ARID1A: variants seen among roughly 807,000 people sequenced by gnomAD.
The protein encoded by ARID1A is AT-rich interaction domain 1A.
Under a neutral mutation model 212.6 loss-of-function variants are expected in ARID1A, and 20 were observed. That is an observed-to-expected ratio of 0.09 (90% CI 0.07 to 0.14). The LOEUF is 0.14. Ranked by LOEUF, ARID1A falls within the 10% of genes least tolerant of loss-of-function variation. The pLI, the probability that ARID1A is intolerant of heterozygous loss-of-function variation, is 1.00. For missense variants in ARID1A, 2,587 were observed against 3,059.0 expected, an observed-to-expected ratio of 0.85 and a Z score of 3.64; for synonymous variants, 1,376 against 1,222.1, an observed-to-expected ratio of 1.13 and a Z score of -2.63.
At chr1:26,765,963 G>A (rs1411973445) in intron 8 of ARID1A, 4 of 410,080 alleles carry the variant, frequency 9.8e-6, no homozygotes, top group Admixed American at 4.1e-5. Context: ...GATTGTTTGA[G>A]CTCAGGAGAT....
rs760011445 is a variant in ARID1A at position 26,762,282 on chromosome 1, G to A, written c.2382G>A (p.Gly794=). ...GMGSYQQNSM[G]SYGPQGGQYG... is the part of the protein sequence containing the mutation. ...GCTCCTACCAGCAGAACTCCATGGG[G>A]AGCTATGGTCCCCAGGGGGGTCAGT... The change falls in exon 7 of 20, where the codon GGG becomes GGA. Residue 794 remains glycine, a synonymous_variant. Transcript: ENST00000324856. The A allele has an allele frequency of 5.6e-6, 9 of 1,614,044 alleles. No individual in the cohort carries two copies. The highest frequency in any genetic ancestry group is 1.6e-4 in the Middle Eastern group (1 of 6,080).
chr1:26,711,974 T>A (rs920203440), intron 1 of ARID1A, among the ~76,000 whole-genome samples: 12 of 151,806 alleles, frequency 7.9e-5, no homozygotes, highest in African/African-American at 2.9e-4. Context: ...CTCAGCTACG[T>A]GGGGGCTGAG....
At chr1:26,729,985 C>T (rs2080657974) in intron 2 of ARID1A, 122 bp downstream of exon 2, 3 of 1,200,964 alleles carry the variant, frequency 2.5e-6, no homozygotes, top group Non-Finnish European at 3.5e-6. Context: ...CCTGTTGGCT[C>T]AGTTAATTAC....
Position 26,766,475 on chromosome 1 carries a change from A to T in ARID1A, c.2897A>T (p.Glu966Val), listed in dbSNP as rs2124081423. The change falls in exon 10 of 20, where the codon GAG becomes GTG. Residue 966 changes from glutamate (E) to valine (V), a missense_variant. Glu to Val is a moderately radical substitution (Grantham distance 121). Transcript: ENST00000324856. ...TTTACAGGGATGGCAGCCAGCCCAG[A>T]GATGATGGGCCTTGGGGATGTAAAG... Reference protein sequence around the residue: ...NNSAGMAASPEMMGLGDVKLT... With the variant: ...NNSAGMAASPVMMGLGDVKLT... The T allele has an allele frequency of 1.2e-6, 2 of 1,614,198 alleles. No homozygotes were observed. The highest frequency in any genetic ancestry group is 1.7e-6 in the Non-Finnish European group (2 of 1,180,044).
chr1:26,710,528 C>CA (rs1553147494), intron 1 of ARID1A, among the ~76,000 whole-genome samples: 3 of 148,316 alleles, frequency 2.0e-5, no homozygotes, highest in African/African-American at 5.0e-5. Flanking sequence ...CACACACACA[C>CA]CACTTGTTGT....
At chr1:26,752,353 T>C (rs2080892389) in intron 4 of ARID1A, among the ~76,000 whole-genome samples, 1 of 152,204 alleles carries the variant, frequency 6.6e-6, no homozygotes, top group Non-Finnish European at 1.5e-5. Flanking sequence ...GTTCTGTAAC[T>C]TTTGGAGTCC....
At chr1:26,697,938 C>T (rs1220778928) in intron 1 of ARID1A, among the ~76,000 whole-genome samples, 2 of 152,138 alleles carry the variant, frequency 1.3e-5, no homozygotes, top group Non-Finnish European at 2.9e-5. Flanking sequence ...TCTTTGCTCA[C>T]CTGCCGCTCC....
intron 4 of ARID1A, among the ~76,000 whole-genome samples, chr1:26,742,321 A>T (rs1160743126): frequency 6.6e-6 from 1 of 152,184 alleles, no homozygotes; most frequent in Non-Finnish European, 1.5e-5. Flanking sequence ...AACCTATAGG[A>T]CCTGCTTGGA....
At chr1:26,709,713 A>G (rs1332658096) in intron 1 of ARID1A, among the ~76,000 whole-genome samples, 3 of 144,882 alleles carry the variant, frequency 2.1e-5, no homozygotes, top group Non-Finnish European at 4.5e-5. Flanking sequence ...GTGGCTATCC[A>G]CAGGCACAAT....
rs1444273905 is a variant in ARID1A, at chr1:26,697,290, A to G, written c.887A>G (p.Asn296Ser). The change falls in exon 1 of 20, where the codon AAC becomes AGC. Residue 296 changes from asparagine (N) to serine (S), a missense_variant. By Grantham distance (46) the Asn-to-Ser change is conservative. Around this residue, in one of 11 missense-constraint regions of ARID1A, gnomAD observed 735 missense variants for 590.6 expected, o/e 1.24. Transcript: ENST00000324856. ...TPQPTATPTLNQLLTSPSSAR... is the reference protein window; with the variant it reads ...TPQPTATPTLSQLLTSPSSAR... The stretch of plus-strand genomic sequence containing the variant: ...CAGCCCACCGCCACCCCCACCCTCA[A>G]CCAACTGCTCACGTCGCCCAGCTCG... 5.2e-6 allele frequency: 7 copies of G among 1,358,370 alleles called. No homozygotes were observed. The highest frequency in any genetic ancestry group is 6.6e-6 in the Non-Finnish European group (7 of 1,061,980). 84.1% of individuals were successfully genotyped at this position (1,358,370 alleles called of 1,614,324 possible). A position where few individuals can be genotyped will look rare whatever the true frequency, so the allele number is the denominator to read the frequency against.
rs764403296 is a variant in ARID1A at position 26,771,253 on chromosome 1, A to G, written c.3333A>G (p.Glu1111=). The G allele has an allele frequency of 3.2e-5, 51 of 1,614,098 alleles. No homozygotes were observed. Among genetic ancestry groups the G allele is most frequent in the Admixed American group, 6.7e-5 (4 of 60,008 alleles). The change falls in exon 12 of 20, where the codon GAA becomes GAG. Residue 1111 remains glutamate, a synonymous_variant. Coordinates refer to ENST00000324856, the MANE Select transcript of ARID1A (RefSeq NM_006015.6). The surrounding 1 kb of genome is among the most constrained non-coding windows in gnomAD (Gnocchi z 5.4). The part of the protein sequence containing the change: ...YAFECKIERG[E]DPPPDIFAAA... ...TTGAATGCAAGATTGAACGGGGAGA[A>G]GACCCTCCCCCAGACATCTTTGCAG...
chr1:26,775,936 G>C (rs1420718269), intron 19 of ARID1A: 1 of 682,856 alleles, frequency 1.5e-6, no homozygotes, highest in Non-Finnish European at 2.6e-6. Context: ...AAAGGAATTT[G>C]GGAGACACTT....
chr1:26,738,090 C>T (rs1037376220), intron 4 of ARID1A, among the ~76,000 whole-genome samples: 1 of 151,414 alleles, frequency 6.6e-6, no homozygotes, highest in Non-Finnish European at 1.5e-5. Context: ...GTGGCACAAT[C>T]GCAGTTCACA....
intron 1 of ARID1A, among the ~76,000 whole-genome samples, chr1:26,710,528 C>CACACACA (rs1553147494): frequency 4.7e-5 from 7 of 148,186 alleles, no homozygotes; most frequent in South Asian, 4.3e-4. Flanking sequence ...CACACACACA[C>CACACACA]CACTTGTTGT....
intron 1 of ARID1A, among the ~76,000 whole-genome samples, chr1:26,715,377 G>A (rs1570560585): frequency 6.6e-6 from 1 of 152,188 alleles, no homozygotes; most frequent in Non-Finnish European, 1.5e-5. Flanking sequence ...TTAATGGTAG[G>A]TAATGATAAG....
intron 4 of ARID1A, among the ~76,000 whole-genome samples, chr1:26,747,098 G>A (rs1557600669): frequency 6.6e-6 from 1 of 152,144 alleles, no homozygotes; most frequent in Non-Finnish European, 1.5e-5. Context: ...ATCAAGCGTA[G>A]AATTAGCCCT....
intron 4 of ARID1A, among the ~76,000 whole-genome samples, chr1:26,736,033 T>A (rs1285866548): frequency 6.6e-6 from 1 of 151,986 alleles, no homozygotes; most frequent in Non-Finnish European, 1.5e-5. Flanking sequence ...TATTTTACCT[T>A]TAAAAAAAAG....
At chr1:26,745,459 C>T (rs531977903) in intron 4 of ARID1A, among the ~76,000 whole-genome samples, 23 of 152,280 alleles carry the variant, frequency 1.5e-4, no homozygotes, top group African/African-American at 5.1e-4. Context: ...GTATCCAAAA[C>T]CAAGGGATTC....
intron 4 of ARID1A, among the ~76,000 whole-genome samples, chr1:26,759,369 A>T (rs909198085): frequency 6.6e-6 from 1 of 151,680 alleles, no homozygotes; most frequent in Admixed American, 6.6e-5. Flanking sequence ...CACCTGGCTT[A>T]TTTTTGGGGG....
Sources: gnomAD v4.1 joint callset for allele counts (sites outside exome capture counted in the v4.1 genomes callset) on GRCh38, gnomAD v4.1.1 for gene constraint, gnomAD v4.1.1 regional missense constraint, Gnocchi (gnomAD v3.1) non-coding constraint, MANE v1.5 for transcripts, NCBI Gene and HGNC (gene_info 2026-07-23, HGNC 2026-07-21) for gene names.